HPRT1: variants seen among roughly 807,000 people sequenced by gnomAD.
HPRT1 encodes the protein hypoxanthine-guanine phosphoribosyltransferase.
In HPRT1, 4 loss-of-function variants were observed where a neutral mutation model predicts 19.0. That is an observed-to-expected ratio of 0.21 (90% CI 0.10 to 0.48). The LOEUF is 0.48. Among genes scored for constraint, HPRT1 ranks in the 20% least tolerant of loss-of-function variants. The probability of loss-of-function intolerance (pLI) is 0.98; values close to 1 mark genes in which losing one functional copy is unlikely to be tolerated. For synonymous variants in HPRT1, 53 were observed against 54.9 expected (o/e 0.97, Z 0.15); for missense variants, 65 against 164.0 (o/e 0.40, Z 3.30).
chrX:134,483,158 C>T (rs1344532244), intron 3 of HPRT1, among the ~76,000 whole-genome samples: 2 of 111,252 alleles, frequency 1.8e-5, no homozygotes, highest in Non-Finnish European at 3.8e-5. Flanking sequence ...TCATCATGCC[C>T]TCTTGGGAAC....
intron 1 of HPRT1, among the ~76,000 whole-genome samples, chrX:134,468,443 T>G (rs1273860284): frequency 6.5e-5 from 7 of 107,613 alleles, no homozygotes; most frequent in Non-Finnish European, 5.8e-5. Context: ...TGAAATCCCG[T>G]CTTTACAAAA....
At chrX:134,481,564 G>A (rs766067638) in intron 3 of HPRT1, among the ~76,000 whole-genome samples, 1 of 99,002 alleles carries the variant, frequency 1.0e-5, no homozygotes, top group South Asian at 4.4e-4. Context: ...TCTATCTAAA[G>A]CAAATTCATG....
rs200804953 is a variant in HPRT1 at position 134,468,627 on chromosome X, T to A, written c.28-4732T>A. The stretch of plus-strand genomic sequence containing the variant: ...AAAATTAGCCGGGCGTGGTGGCGCA[T>A]GTCTGTAATCCCAGCTACTCGGGAG... On this transcript the variant is annotated intron_variant, in intron 1 of 8. Transcript: ENST00000298556. 5.3e-4 allele frequency among the ~76,000 whole-genome samples: 58 copies of A among 108,761 alleles called. 1 individual carries two copies. In the East Asian group the frequency reaches 0.016, roughly 29 times the overall value. The allele number at this position is 108,761 out of a possible 115,157, so 94.4% of individuals were successfully genotyped here.
intron 5 of HPRT1, chrX:134,492,630 A>T: frequency 3.4e-6 from 1 of 290,802 alleles, no homozygotes; most frequent in South Asian, 3.3e-5. Context: ...TGACAGTCTC[A>T]CAACATGGCA....
At chrX:134,473,121 C>T (rs1433979587) in intron 1 of HPRT1, among the ~76,000 whole-genome samples, 2 of 110,862 alleles carry the variant, frequency 1.8e-5, no homozygotes, top group Non-Finnish European at 3.8e-5. Context: ...AACTCCTGAG[C>T]TCAGGCAGTC....
At chrX:134,463,381 C>T (rs2077589291) in intron 1 of HPRT1, among the ~76,000 whole-genome samples, 1 of 111,826 alleles carries the variant, frequency 8.9e-6, no homozygotes, top group Admixed American at 9.6e-5. Flanking sequence ...CCTAGCCGAG[C>T]TTACCCTGCC....
intron 2 of HPRT1, among the ~76,000 whole-genome samples, chrX:134,474,420 CTTTT>C (rs5903877): frequency 2.1e-5 from 2 of 94,715 alleles, no homozygotes. Flanking sequence ...CAATTTGTCT[CTTTT>C]TTTTTTTTTT....
At chrX:134,496,668 T>C (rs2124303811) in intron 6 of HPRT1, among the ~76,000 whole-genome samples, 1 of 112,259 alleles carries the variant, frequency 8.9e-6, no homozygotes, top group African/African-American at 3.2e-5. Context: ...GGGACATAAT[T>C]AGATGATCCC....
chrX:134,479,931 A>C (rs1185847389), intron 3 of HPRT1, among the ~76,000 whole-genome samples: 1 of 109,620 alleles, frequency 9.1e-6, no homozygotes, highest in Admixed American at 9.8e-5. Context: ...TTTTATTTTT[A>C]TTTTATTTTA....
intron 1 of HPRT1, among the ~76,000 whole-genome samples, chrX:134,461,665 C>A (rs2077584571): frequency 8.9e-6 from 1 of 112,009 alleles, no homozygotes; most frequent in Non-Finnish European, 1.9e-5. Flanking sequence ...TAATAGCCAT[C>A]ATCATGTTTA....
intron 6 of HPRT1, among the ~76,000 whole-genome samples, chrX:134,494,854 G>A (rs17883708): frequency 6.6e-4 from 74 of 111,776 alleles, no homozygotes; most frequent in Admixed American, 1.0e-3. Flanking sequence ...GTTGCCACAG[G>A]TAGGACATGC....
chrX:134,470,461 T>G (rs942729317), intron 1 of HPRT1, among the ~76,000 whole-genome samples: 4 of 111,840 alleles, frequency 3.6e-5, no homozygotes, highest in African/African-American at 1.3e-4. Context: ...TTAAATGTAT[T>G]AAAAGTCAAG....
intron 1 of HPRT1, among the ~76,000 whole-genome samples, chrX:134,464,367 A>C (rs188348807): frequency 1.8e-5 from 2 of 111,552 alleles, no homozygotes; most frequent in African/African-American, 6.5e-5. Context: ...AGTTAACACA[A>C]ATTATCCAAG....
Position 134,460,327 on chromosome X carries a change from C to T in HPRT1, c.16C>T (p.Pro6Ser). 1.8e-6 allele frequency: 2 copies of T among 1,128,815 alleles called. No individual in the cohort carries two copies. The highest frequency in any genetic ancestry group is 3.7e-5 in the African/African-American group (2 of 53,750). The allele number at this position is 1,128,815 out of a possible 1,213,427, so 93.0% of individuals were successfully genotyped here. ...CGGCTCCGTTATGGCGACCCGCAGC[C>T]CTGGCGTCGTGGTGAGCAGCTCGGC... MATRS[P>S]GVVISDDEPG... is the part of the protein sequence containing the mutation. Residue 6 changes from proline to serine, a missense_variant, in exon 1 of 9, where the codon CCT becomes TCT. Pro to Ser is a moderately conservative substitution (Grantham distance 74). Around this residue, in one of 4 missense-constraint regions of HPRT1, gnomAD observed 23 missense variants for 29.3 expected, o/e 0.79. Transcript: ENST00000298556.
intron 3 of HPRT1, among the ~76,000 whole-genome samples, chrX:134,478,340 T>A (rs2077630957): frequency 1.8e-5 from 2 of 112,170 alleles, no homozygotes; most frequent in African/African-American, 6.5e-5. Context: ...AACATACGGC[T>A]GGGTGCAGTG....
chrX:134,473,307 A>C (rs911554816), intron 1 of HPRT1, 52 bp from the exon 2 acceptor site: 7 of 758,523 alleles, frequency 9.2e-6, no homozygotes, highest in Non-Finnish European at 1.4e-5. Flanking sequence ...AATCCAATCA[A>C]ATGTTTGTAT....
At position 134,500,091 on chromosome X, in the gene HPRT1, G is replaced by C; in HGVS notation, c.*14G>C. Reference sequence around the variant, plus strand: ...TACAAAGCCTAAGATGAGAGTTCAAGTTGAGTTTGGAAACATCTGGAGTCC... The same window carrying C: ...TACAAAGCCTAAGATGAGAGTTCAACTTGAGTTTGGAAACATCTGGAGTCC... On this transcript the variant is annotated 3_prime_UTR_variant, in exon 9 of 9. Coordinates refer to ENST00000298556, the MANE Select transcript of HPRT1 (RefSeq NM_000194.3). 1 of 1,133,239 alleles carries C rather than the reference G, an allele frequency of 8.8e-7. No individual in the cohort carries two copies. The highest frequency in any genetic ancestry group is 1.2e-6 in the Non-Finnish European group (1 of 823,961). The allele number at this position is 1,133,239 out of a possible 1,213,427, so 93.4% of individuals were successfully genotyped here. A position where few individuals can be genotyped will look rare whatever the true frequency, so the allele number is the denominator to read the frequency against.
chrX:134,485,785 C>G (rs143268263), intron 3 of HPRT1, among the ~76,000 whole-genome samples: 238 of 112,015 alleles, frequency 2.1e-3, no homozygotes, highest in African/African-American at 7.5e-3. Flanking sequence ...CCCAAATTTT[C>G]TGTCCTGAAT....
Position 134,475,384 on chromosome X carries a change from G to A in HPRT1, c.318+20G>A, listed in dbSNP as rs1157735216. The A allele has an allele frequency of 1.9e-6, 2 of 1,032,649 alleles. No homozygotes were observed. The highest frequency in any genetic ancestry group is 2.7e-6 in the Non-Finnish European group (2 of 734,892). 85.1% of individuals were successfully genotyped at this position (1,032,649 alleles called of 1,213,427 possible). A position where few individuals can be genotyped will look rare whatever the true frequency, so the allele number is the denominator to read the frequency against. On this transcript the variant is annotated intron_variant, in intron 3 of 8. Transcript: ENST00000298556. ...TATTGTGTGAGTATATTTAATATAT[G>A]ATTCTTTTTAGTGGCAACAGTAGGT...
Sources: allele counts gnomAD v4.1 joint callset (sites outside exome capture counted in the v4.1 genomes callset), GRCh38; gene constraint gnomAD v4.1.1; regional missense constraint gnomAD v4.1.1; transcripts MANE v1.5; gene names NCBI Gene and HGNC (gene_info 2026-07-23, HGNC 2026-07-21).